Variants in KANTR observed in about 807,000 individuals in gnomAD.
The protein encoded by KANTR is KDM5C adjacent transcript.
intron 2 of KANTR, among the ~76,000 whole-genome samples, chrX:53,138,720 G>A (rs868946839): frequency 9.5e-6 from 1 of 104,929 alleles, no homozygotes. Context: ...AAAAAAAAAA[G>A]AAATATAAAC....
downstream of KANTR, among the ~76,000 whole-genome samples, chrX:53,130,741 A>T (rs1255483357): frequency 9.0e-6 from 1 of 111,620 alleles, no homozygotes; most frequent in Non-Finnish European, 1.9e-5. Flanking sequence ...CTATGCTGCA[A>T]TGGGGAAAGG....
rs186509331 is a variant in KANTR, at chrX:53,104,103, G to A, written c.-805+4495G>A. ...TGCCCAGGCTGGACTTGAACTCCTG[G>A]GCTCAAGTGATCCTCTGGCCTCAAC... On this transcript the variant is annotated intron_variant, in intron 2 of 2. Transcript: ENST00000604062. 3.0e-3 allele frequency among the ~76,000 whole-genome samples: 334 copies of A among 110,342 alleles called. 1 individual carries two copies. The highest frequency in any genetic ancestry group is 5.4e-3 in the Non-Finnish European group (285 of 52,867).
At chrX:53,131,969 A>G, downstream of KANTR, among the ~76,000 whole-genome samples, 1 of 112,503 alleles carries the variant, frequency 8.9e-6, no homozygotes, top group Non-Finnish European at 1.9e-5. Context: ...TTAGTTGTAT[A>G]TCTATATACT....
intron 2 of KANTR, among the ~76,000 whole-genome samples, chrX:53,139,855 CAGGAGGAAGGGGG>C (rs1556818214): frequency 9.2e-6 from 1 of 108,118 alleles, no homozygotes; most frequent in Non-Finnish European, 1.9e-5. Context: ...GAGGAGGAGG[CAGGAGGAAGGGGG>C]AGGAGGAAGG....
intron 2 of KANTR, among the ~76,000 whole-genome samples, chrX:53,134,860 A>G (rs1006557426): frequency 1.1e-4 from 12 of 112,006 alleles, no homozygotes; most frequent in Admixed American, 3.8e-4. Flanking sequence ...TCAAAGGAAA[A>G]ATAAATACTG....
intron 2 of KANTR, among the ~76,000 whole-genome samples, chrX:53,116,984 A>G (rs1933133216): frequency 9.0e-6 from 1 of 111,702 alleles, no homozygotes; most frequent in East Asian, 2.8e-4. Context: ...TATATTAGAT[A>G]TATGATAAAA....
At chrX:53,119,337 G>A (rs944114853) in intron 2 of KANTR, among the ~76,000 whole-genome samples, 9 of 111,519 alleles carry the variant, frequency 8.1e-5, no homozygotes, top group Non-Finnish European at 1.1e-4. Context: ...GCAATTTTTT[G>A]TCTTGTCTTC....
chrX:53,145,787 T>A (rs923701071), downstream of KANTR, among the ~76,000 whole-genome samples: 1 of 111,760 alleles, frequency 8.9e-6, no homozygotes, highest in South Asian at 3.7e-4. Context: ...GCCGGGTACT[T>A]CTCTGAGACA....
At chrX:53,112,289 C>G (rs1199456487) in intron 2 of KANTR, among the ~76,000 whole-genome samples, 1 of 112,093 alleles carries the variant, frequency 8.9e-6, no homozygotes, top group Non-Finnish European at 1.9e-5. Context: ...CAGGTTGCTG[C>G]GAATGCCATT....
At chrX:53,110,066 G>GT (rs1933010562) in intron 2 of KANTR, among the ~76,000 whole-genome samples, 1 of 112,069 alleles carries the variant, frequency 8.9e-6, no homozygotes, top group Non-Finnish European at 1.9e-5. Flanking sequence ...TGTTCTAACA[G>GT]TTTTTTGGTG....
At chrX:53,135,666 G>A (rs146852734) in intron 2 of KANTR, among the ~76,000 whole-genome samples, 27 of 111,821 alleles carry the variant, frequency 2.4e-4, no homozygotes, top group African/African-American at 7.8e-4. Flanking sequence ...ATAGTAATGC[G>A]CTGCAGGCCA....
chrX:53,142,932 G>A, downstream of KANTR: 1 of 729,231 alleles, frequency 1.4e-6, no homozygotes, highest in Non-Finnish European at 2.2e-6. Context: ...TCCACACCGA[G>A]TACTTGTGCT....
At chrX:53,114,878 G>A (rs1434328855) in intron 2 of KANTR, among the ~76,000 whole-genome samples, 6 of 110,815 alleles carry the variant, frequency 5.4e-5, no homozygotes, top group Non-Finnish European at 9.5e-5. Context: ...GCTTACTAGG[G>A]TGGGCCTGAA....
exon 2 of KANTR, chrX:53,099,533 T>A (rs1932872574): frequency 9.0e-6 from 1 of 111,683 alleles, no homozygotes; most frequent in African/African-American, 3.3e-5. Context: ...GAAGTTAACT[T>A]CTTCTACACC....
intron 1 of KANTR, among the ~76,000 whole-genome samples, chrX:53,097,249 C>T (rs1410512271): frequency 3.6e-5 from 4 of 111,132 alleles, no homozygotes; most frequent in African/African-American, 9.8e-5. Flanking sequence ...CCCCTCTTAC[C>T]GGGAAACTGG....
exon 3 of KANTR, chrX:53,126,923 C>T (rs1479502762): frequency 9.0e-6 from 1 of 111,593 alleles, no homozygotes; most frequent in Non-Finnish European, 1.9e-5. Flanking sequence ...CCAAAGCCCT[C>T]ACCATGGCCC....
intron 2 of KANTR, among the ~76,000 whole-genome samples, chrX:53,103,070 C>T (rs782128436): frequency 3.7e-5 from 4 of 106,773 alleles, no homozygotes; most frequent in Non-Finnish European, 5.8e-5. Flanking sequence ...CTGCAGCCTC[C>T]GCCTCCTGGG....
chrX:53,143,912 A>G (rs1556818890), downstream of KANTR: 5 of 377,667 alleles, frequency 1.3e-5, no homozygotes, highest in Non-Finnish European at 2.5e-5. Context: ...CTCTATTTCC[A>G]TTGCAACCTG....
At chrX:53,094,644 TG>T (rs1248721847) in intron 1 of KANTR, 1 of 111,763 alleles carries the variant, frequency 8.9e-6, no homozygotes, top group African/African-American at 3.3e-5. Flanking sequence ...TCCCACTTTT[TG>T]AGACGTAGTA....
Sources: allele counts gnomAD v4.1 joint callset (sites outside exome capture counted in the v4.1 genomes callset), GRCh38; gene constraint gnomAD v4.1.1; transcripts MANE v1.5; gene names NCBI Gene and HGNC (gene_info 2026-07-23, HGNC 2026-07-21).